MROH1: variants seen among roughly 807,000 people sequenced by gnomAD.
MROH1 encodes maestro heat-like repeat-containing protein family member 1.
A neutral mutation model predicts 116.5 loss-of-function variants in MROH1; 117 were observed. That is an observed-to-expected ratio of 1.00 (90% CI 0.86 to 1.17). The LOEUF is 1.17. MROH1 is among the 50% of genes most tolerant of loss of function. MROH1 has a pLI of 0.00. For missense variants in MROH1, 1,873 were observed against 1,338.5 expected (o/e 1.40, Z -6.23); for synonymous variants, 921 against 583.9 (o/e 1.58, Z -8.32).
At chr8:144,179,687 T>C in intron 5 of MROH1, 101 bp downstream of exon 5, 1 of 1,452,210 alleles carries the variant, frequency 6.9e-7, no homozygotes, top group Non-Finnish European at 9.3e-7. Context: ...TATAGGGTGG[T>C]GTTTGGCTGC....
chr8:144,190,409 A>T (rs1828260277), intron 7 of MROH1, among the ~76,000 whole-genome samples: 1 of 152,130 alleles, frequency 6.6e-6, no homozygotes, highest in Non-Finnish European at 1.5e-5. Context: ...AGTTCCAGCT[A>T]GTCAGGAGGC....
intron 14 of MROH1, among the ~76,000 whole-genome samples, chr8:144,226,784 TGA>T (rs1297750532): frequency 2.6e-5 from 4 of 152,238 alleles, no homozygotes; most frequent in African/African-American, 9.6e-5. Context: ...TCAGGTAATG[TGA>T]GTCTTCCATC....
intron 4 of MROH1, chr8:144,175,398 G>T: frequency 1.4e-6 from 1 of 703,542 alleles, no homozygotes; most frequent in Non-Finnish European, 1.7e-6. Flanking sequence ...ATGCCCACTT[G>T]CTGTACCCAA....
At position 144,148,046 on chromosome 8, in the gene MROH1, C is replaced by G. The variant is rs946569631; in HGVS notation, c.-207C>G. 6.6e-6 allele frequency: 1 copy of G among 152,178 alleles called. No homozygotes were observed. Among genetic ancestry groups the G allele is most frequent in the Non-Finnish European group, 1.5e-5 (1 of 68,090 alleles). The allele number at this position is 152,178 out of a possible 1,614,324, so 9.4% of individuals were successfully genotyped here. A position where few individuals can be genotyped will look rare whatever the true frequency, so the allele number is the denominator to read the frequency against. ...GGGCCCCTGCTGGGCGGGAAGGCGGCGCCCCGGCCGAGGTGGCGGCGGCTC... is the reference window on the plus strand; with the variant it reads ...GGGCCCCTGCTGGGCGGGAAGGCGGGGCCCCGGCCGAGGTGGCGGCGGCTC... On this transcript the variant is annotated 5_prime_UTR_variant, in exon 1 of 44. Transcript: ENST00000326134.
chr8:144,229,569 T>C (rs1838446284), intron 14 of MROH1, among the ~76,000 whole-genome samples: 1 of 152,030 alleles, frequency 6.6e-6, no homozygotes, highest in Admixed American at 6.6e-5. Context: ...TTTGTCTTGT[T>C]TTTTTAAAGA....
rs201029512 is a variant in MROH1 at position 144,199,102 on chromosome 8, C to G, written c.949-20C>G. 1 of 1,611,222 alleles carries G rather than the reference C, an allele frequency of 6.2e-7. No homozygotes were observed. Among genetic ancestry groups the G allele is most frequent in the Admixed American group, 1.7e-5 (1 of 59,724 alleles). The stretch of plus-strand genomic sequence containing the variant: ...TTCTGGCCTCTCTGGTCTATAACCT[C>G]GGCCCCGTTCCTGGAGCAGATCTGT... On this transcript the variant is annotated intron_variant, in intron 10 of 43. Coordinates refer to ENST00000326134, the MANE Select transcript of MROH1 (RefSeq NM_032450.3).
intron 1 of MROH1, among the ~76,000 whole-genome samples, chr8:144,154,312 C>G (rs1817544795): frequency 6.6e-6 from 1 of 152,162 alleles, no homozygotes; most frequent in South Asian, 2.1e-4. Context: ...AAGTGATCCG[C>G]AGCTATAGAC....
chr8:144,180,407 CG>C lies in MROH1; in HGVS notation c.464-16del. 1 of 1,612,664 alleles carries C rather than the reference CG, an allele frequency of 6.2e-7. No homozygotes were observed. ...TGGAAGCCTTGGCGGAGGCCTTTGA[CG>C]GTGTCCTCTCTCACAGCGTTCGGCG... On this transcript the variant is annotated splice_polypyrimidine_tract_variant and intron_variant, in intron 6 of 43. Transcript: ENST00000326134. The surrounding 1 kb of genome is among the most constrained non-coding windows in gnomAD (Gnocchi z 7.4).
intron 4 of MROH1, among the ~76,000 whole-genome samples, chr8:144,174,004 T>C (rs370875066): frequency 2.0e-5 from 3 of 152,132 alleles, no homozygotes; most frequent in East Asian, 3.9e-4. Flanking sequence ...AAAGTCAGGC[T>C]GTCTCTTCGC....
rs1347670606 is a variant in MROH1, at chr8:144,239,150, A to C, written c.1562A>C (p.Asp521Ala). The change falls in exon 16 of 44, where the codon GAC (aspartate) becomes GCC (alanine). Residue 521 changes from aspartate to alanine, a missense_variant. Coordinates refer to ENST00000326134, the MANE Select transcript of MROH1 (RefSeq NM_032450.3). ...CAGAAGAGGCAGGAGGCCGGGGCCG[A>C]CGCCTTCCTCATCCAGTACGACGCC... ...LAQKRQEAGADAFLIQYDAHA... is the reference protein window; with the variant it reads ...LAQKRQEAGAAAFLIQYDAHA... 3.9e-6 allele frequency: 3 copies of C among 767,712 alleles called. No homozygotes were observed. The East Asian group carries it at 7.3e-5, about 19-fold the overall frequency. The allele number at this position is 767,712 out of a possible 1,614,324, so 47.6% of individuals were successfully genotyped here.
chr8:144,254,606 T>C lies in MROH1; in HGVS notation c.3429-207T>C, dbSNP rs986426718. 3.8e-5 allele frequency: 22 copies of C among 577,266 alleles called. 1 individual carries two copies. Among genetic ancestry groups the C allele is most frequent in the African/African-American group, 3.6e-4 (19 of 53,088 alleles). 35.8% of individuals were successfully genotyped at this position (577,266 alleles called of 1,614,324 possible). ...GGCCCAGATTTTTCTCTGTGTCCTT[T>C]ATTACCAGCTCTGTTTACAGATCCC... On this transcript the variant is annotated intron_variant, in intron 33 of 43. Coordinates refer to ENST00000326134, the MANE Select transcript of MROH1 (RefSeq NM_032450.3).
Position 144,210,264 on chromosome 8 carries a change from C to T in MROH1, c.1141+9723C>T, listed in dbSNP as rs138788545. On this transcript the variant is annotated intron_variant, in intron 12 of 43. Coordinates refer to ENST00000326134, the MANE Select transcript of MROH1 (RefSeq NM_032450.3). ...GACCAGCCTGGCCAATACAGGGAAA[C>T]CCTGTCTCTACTAAAAATACAAAAA... Among the ~76,000 whole-genome samples, 1,059 of 152,038 alleles carry T rather than the reference C, an allele frequency of 7.0e-3. 17 individuals carry two copies. Among genetic ancestry groups the T allele is most frequent in the African/African-American group, 0.024 (1,014 of 41,472 alleles).
intron 1 of MROH1, among the ~76,000 whole-genome samples, chr8:144,152,870 G>A (rs1817178742): frequency 1.3e-5 from 2 of 151,970 alleles, no homozygotes; most frequent in South Asian, 2.1e-4. Flanking sequence ...CTTTCTTCTC[G>A]TGCTGAGAAC....
At position 144,247,805 on chromosome 8, in the gene MROH1, C is replaced by G. The variant is rs1276879022; in HGVS notation, c.3120+126C>G. 85 of 691,618 alleles carry G rather than the reference C, an allele frequency of 1.2e-4. 1 individual carries two copies. The East Asian group carries it at 2.0e-3, about 16-fold the overall frequency. The allele number at this position is 691,618 out of a possible 1,614,324, so 42.8% of individuals were successfully genotyped here. On this transcript the variant is annotated intron_variant, in intron 31 of 43. Transcript: ENST00000326134. ...GCCACCCATGGCCAGTGGGCATGAGCAGGGCCTGGGTGTTTGCATTAGTTG... is the reference window on the plus strand; with the variant it reads ...GCCACCCATGGCCAGTGGGCATGAGGAGGGCCTGGGTGTTTGCATTAGTTG...
intron 3 of MROH1, 94 bp from the exon 4 acceptor site, chr8:144,168,201 G>T: frequency 7.4e-7 from 1 of 1,355,594 alleles, no homozygotes; most frequent in South Asian, 1.5e-5. Flanking sequence ...GATCCTCAGA[G>T]GCTGCAGGTG....
In MROH1 at chr8:144,214,804, G is replaced by A. The variant is rs116113496; in HGVS notation, c.1142-5796G>A. On this transcript the variant is annotated intron_variant, in intron 12 of 43. Coordinates refer to ENST00000326134, the MANE Select transcript of MROH1 (RefSeq NM_032450.3). ...GTTCTCTAGAGGGACAGAACTAATA[G>A]GATACATGTGTATATGAAGGGGAAT... Among the ~76,000 whole-genome samples, 925 of 152,232 alleles carry A rather than the reference G, an allele frequency of 6.1e-3. 16 individuals are homozygous for A. Among genetic ancestry groups the A allele is most frequent in the African/African-American group, 0.021 (884 of 41,524 alleles).
At chr8:144,222,820 G>C (rs774115543) in intron 13 of MROH1, among the ~76,000 whole-genome samples, 2 of 151,790 alleles carry the variant, frequency 1.3e-5, no homozygotes, top group Non-Finnish European at 2.9e-5. Context: ...CCAGGTATGT[G>C]GGTACAGGCC....
At position 144,163,838 on chromosome 8, in the gene MROH1, C is replaced by G; in HGVS notation, c.12C>G (p.Ser4=). Residue 4 remains serine, a synonymous_variant, in exon 3 of 44, where the codon TCC becomes TCG. Transcript: ENST00000326134. The surrounding 1 kb of genome is among the most constrained non-coding windows in gnomAD (Gnocchi z 4.4). ...CTGAAACCACAGACATGACTGAGTC[C>G]TCCATGAAGAGTGAGTGCATGGGGA... MTE[S]SMKKLASTLL... is the part of the protein sequence containing the mutation. 6.2e-7 allele frequency: 1 copy of G among 1,613,666 alleles called. No individual in the cohort carries two copies. The highest frequency in any genetic ancestry group is 8.5e-7 in the Non-Finnish European group (1 of 1,179,736).
intron 2 of MROH1, among the ~76,000 whole-genome samples, chr8:144,162,366 T>TTTGGG (rs1819753345): frequency 6.6e-6 from 1 of 150,410 alleles, no homozygotes. Flanking sequence ...GGATTACAGA[T>TTTGGG]ATGAGCCACT....
Sources: allele counts gnomAD v4.1 joint callset (sites outside exome capture counted in the v4.1 genomes callset), GRCh38; gene constraint gnomAD v4.1.1; non-coding constraint Gnocchi (gnomAD v3.1); transcripts MANE v1.5; gene names NCBI Gene and HGNC (gene_info 2026-07-23, HGNC 2026-07-21).